Variants in ALKBH1 observed in about 807,000 individuals in gnomAD.
The protein encoded by ALKBH1 is nucleic acid dioxygenase ALKBH1.
ALKBH1 carries 31 observed loss-of-function variants against 36.6 expected under a neutral mutation model. The observed-to-expected ratio is 0.85, with a 90% CI of 0.64 to 1.14. The LOEUF is 1.14. Among genes scored for constraint, ALKBH1 ranks in the 50% most tolerant of loss-of-function variants. The pLI is 0.00. For missense variants in ALKBH1, 490 were observed against 497.3 expected (o/e 0.99, Z 0.14); for synonymous variants, 183 against 186.6 (o/e 0.98, Z 0.16).
chr14:77,673,723 T>C lies in ALKBH1; in HGVS notation c.*89A>G, dbSNP rs1177022648. 5.8e-6 allele frequency: 8 copies of C among 1,368,156 alleles called. No individual in the cohort carries two copies. Among genetic ancestry groups the C allele is most frequent in the Non-Finnish European group, 8.0e-6 (8 of 996,914 alleles). 84.8% of individuals were successfully genotyped at this position (1,368,156 alleles called of 1,614,324 possible). A position where few individuals can be genotyped will look rare whatever the true frequency, so the allele number is the denominator to read the frequency against. ...CTTCCCTGTCTCTGTTTTTGGCTTGTCTGGGTGCTGAAGTCCACGGCAATA... is the reference window on the plus strand; with the variant it reads ...CTTCCCTGTCTCTGTTTTTGGCTTGCCTGGGTGCTGAAGTCCACGGCAATA... On this transcript the variant is annotated 3_prime_UTR_variant, in exon 6 of 6. Transcript: ENST00000216489.
At chr14:77,696,190 C>T (rs2139860271) in intron 2 of ALKBH1, among the ~76,000 whole-genome samples, 1 of 152,230 alleles carries the variant, frequency 6.6e-6, no homozygotes, top group Non-Finnish European at 1.5e-5. Context: ...CACTTTCTTT[C>T]TTTCTTTTTT....
At position 77,673,741 on chromosome 14, in the gene ALKBH1, C is replaced by T. The variant is rs1470965079; in HGVS notation, c.*71G>A. ...TGGCTTGTCTGGGTGCTGAAGTCCA[C>T]GGCAATACACAATAACATGATCATT... On this transcript the variant is annotated 3_prime_UTR_variant, in exon 6 of 6. Transcript: ENST00000216489. 29 of 1,478,658 alleles carry T rather than the reference C, an allele frequency of 2.0e-5. No homozygotes were observed. Among genetic ancestry groups the T allele is most frequent in the Middle Eastern group, 2.0e-4 (1 of 4,974 alleles). The allele number at this position is 1,478,658 out of a possible 1,614,324, so 91.6% of individuals were successfully genotyped here.
chr14:77,683,372 C>T, intron 3 of ALKBH1: 1 of 774,108 alleles, frequency 1.3e-6, no homozygotes, highest in South Asian at 1.4e-5. Flanking sequence ...AGGAAGCTAT[C>T]TCGGCTCTTA....
intron 3 of ALKBH1, among the ~76,000 whole-genome samples, chr14:77,688,602 G>A (rs1460575711): frequency 6.8e-6 from 1 of 148,082 alleles, no homozygotes; most frequent in East Asian, 2.0e-4. Context: ...GCGCAGGCTG[G>A]AGTAGAGTGG....
Position 77,707,924 on chromosome 14 carries a change from G to A in ALKBH1, c.81C>T (p.Phe27=). Residue 27 remains phenylalanine, a synonymous_variant, in exon 1 of 6, where the codon TTC becomes TTT. Transcript: ENST00000216489. ...EPGEDAFRKL[F]RFYRQSRPGT... ...CGGGCCGGCTCTGACGGTAGAAGCGGAAAAGTTTCCGAAAGGCGTCCTCCC... is the reference window on the plus strand; with the variant it reads ...CGGGCCGGCTCTGACGGTAGAAGCGAAAAAGTTTCCGAAAGGCGTCCTCCC... The A allele has an allele frequency of 6.2e-7, 1 of 1,613,394 alleles. No homozygotes were observed. Among genetic ancestry groups the A allele is most frequent in the Non-Finnish European group, 8.5e-7 (1 of 1,179,992 alleles).
intron 3 of ALKBH1, 44 bp from the exon 4 acceptor site, chr14:77,680,014 G>A (rs2080228196): frequency 6.8e-7 from 1 of 1,480,044 alleles, no homozygotes; most frequent in Admixed American, 1.7e-5. Flanking sequence ...ATGTAAAATG[G>A]CAGCAATAGC....
At chr14:77,684,765 C>G (rs2080258756) in intron 3 of ALKBH1, among the ~76,000 whole-genome samples, 1 of 152,188 alleles carries the variant, frequency 6.6e-6, no homozygotes, top group African/African-American at 2.4e-5. Context: ...CCAGGTGGGT[C>G]TTGAACTTCT....
At chr14:77,687,173 T>C (rs1405616252) in intron 3 of ALKBH1, among the ~76,000 whole-genome samples, 1 of 152,228 alleles carries the variant, frequency 6.6e-6, no homozygotes, top group Non-Finnish European at 1.5e-5. Context: ...AATGATCCAG[T>C]GAACAATTTC....
intron 3 of ALKBH1, 42 bp from the exon 4 acceptor site, chr14:77,680,012 T>C (rs1382855119): frequency 6.6e-7 from 1 of 1,511,954 alleles, no homozygotes; most frequent in Non-Finnish European, 9.2e-7. Context: ...TCATGTAAAA[T>C]GGCAGCAATA....
chr14:77,681,513 C>T (rs1415434413), intron 3 of ALKBH1, among the ~76,000 whole-genome samples: 1 of 152,214 alleles, frequency 6.6e-6, no homozygotes, highest in Non-Finnish European at 1.5e-5. Context: ...TCTGTCCTCA[C>T]AGAGTTTACA....
chr14:77,691,183 C>T (rs577370438), intron 3 of ALKBH1, among the ~76,000 whole-genome samples: 1 of 152,284 alleles, frequency 6.6e-6, no homozygotes, highest in East Asian at 1.9e-4. Flanking sequence ...TTGAGGTACT[C>T]TAATTTTTTG....
intron 3 of ALKBH1, among the ~76,000 whole-genome samples, chr14:77,687,569 C>T (rs1409758937): frequency 6.6e-6 from 1 of 152,182 alleles, no homozygotes; most frequent in East Asian, 1.9e-4. Context: ...TCTCTCCCCT[C>T]ACCATAATCT....
In ALKBH1 at chr14:77,672,890, T is replaced by G. The variant is rs562047710; in HGVS notation, c.*922A>C. On this transcript the variant is annotated 3_prime_UTR_variant, in exon 6 of 6. Coordinates refer to ENST00000216489, the MANE Select transcript of ALKBH1 (RefSeq NM_006020.3). ...GAATATTAAGAAATGTTCTCTCTTC[T>G]GTGAGACAGCCACAAAGAATACTTA... The G allele has an allele frequency of 6.6e-6, 1 of 152,186 alleles. No individual in the cohort carries two copies. The highest frequency in any genetic ancestry group is 1.5e-5 in the Non-Finnish European group (1 of 68,046). The allele number at this position is 152,186 out of a possible 1,614,324, so 9.4% of individuals were successfully genotyped here.
chr14:77,705,411 G>GAAAAAAAAAAA (rs56123313), intron 1 of ALKBH1, among the ~76,000 whole-genome samples: 3 of 113,394 alleles, frequency 2.6e-5, no homozygotes, highest in African/African-American at 6.8e-5. Context: ...CTCCGTCTAA[G>GAAAAAAAAAAA]AAAAAAAAAA....
chr14:77,676,613 C>CA (rs1165924363), intron 4 of ALKBH1, among the ~76,000 whole-genome samples: 2 of 152,146 alleles, frequency 1.3e-5, no homozygotes, highest in Non-Finnish European at 2.9e-5. Context: ...AAATGAAGTA[C>CA]AAATGCTATT....
In ALKBH1 at chr14:77,676,891, GAACT is replaced by G. The variant is rs575092965; in HGVS notation, c.547-1046_547-1043del. On this transcript the variant is annotated intron_variant, in intron 4 of 5. Transcript: ENST00000216489. ...ATGGGATGACATGCTCAAAACATCG[GAACT>G]AACTCTCATTTATAGCATGGCCAAG... is the stretch of plus-strand genomic sequence containing the variant. 6.0e-4 allele frequency among the ~76,000 whole-genome samples: 91 copies of G among 152,276 alleles called. No individual in the cohort carries two copies. In the South Asian group the frequency reaches 8.7e-3, roughly 15 times the overall value.
At chr14:77,684,832 G>C (rs1268500573) in intron 3 of ALKBH1, among the ~76,000 whole-genome samples, 1 of 152,066 alleles carries the variant, frequency 6.6e-6, no homozygotes, top group African/African-American at 2.4e-5. Context: ...ACAGACATGA[G>C]CCACCATGCC....
At chr14:77,683,470 T>C in intron 3 of ALKBH1, 1 of 729,582 alleles carries the variant, frequency 1.4e-6, no homozygotes, top group Non-Finnish European at 2.5e-6. Flanking sequence ...GCTAACAGCA[T>C]GCTGGGGAAC....
In ALKBH1 at chr14:77,683,375, G is replaced by A. The variant is rs572737109; in HGVS notation, c.456-3405C>T. Reference sequence around the variant, plus strand: ...ACTACACGTTTCAGGAAGCTATCTCGGCTCTTAGAGTGCTTAATGTGCTCA... The same window carrying A: ...ACTACACGTTTCAGGAAGCTATCTCAGCTCTTAGAGTGCTTAATGTGCTCA... On this transcript the variant is annotated intron_variant, in intron 3 of 5. Coordinates refer to ENST00000216489, the MANE Select transcript of ALKBH1 (RefSeq NM_006020.3). 6.7e-4 allele frequency: 515 copies of A among 772,960 alleles called. 3 individuals carry two copies. The highest frequency in any genetic ancestry group is 6.2e-3 in the South Asian group (449 of 72,720). 47.9% of individuals were successfully genotyped at this position (772,960 alleles called of 1,614,324 possible). A position where few individuals can be genotyped will look rare whatever the true frequency, so the allele number is the denominator to read the frequency against.
Sources: gnomAD v4.1 joint callset for allele counts (sites outside exome capture counted in the v4.1 genomes callset) on GRCh38, gnomAD v4.1.1 for gene constraint, MANE v1.5 for transcripts, NCBI Gene and HGNC (gene_info 2026-07-23, HGNC 2026-07-21) for gene names.